Variants in PLCL2 observed in about 807,000 individuals in gnomAD.
PLCL2 encodes phospholipase C like 2.
In PLCL2, 4 loss-of-function variants were observed where a neutral mutation model predicts 79.6. The ratio of observed to expected loss-of-function variants is 0.05; its 90% CI spans 0.02 to 0.11. The LOEUF is 0.11. Ranked by LOEUF, PLCL2 falls within the 10% of genes least tolerant of loss-of-function variation. PLCL2 has a pLI of 1.00. For synonymous variants in PLCL2, 484 were observed against 457.7 expected, an observed-to-expected ratio of 1.06 and a Z score of -0.73; for missense variants, 895 against 1,291.0, an observed-to-expected ratio of 0.69 and a Z score of 4.70.
intron 1 of PLCL2, among the ~76,000 whole-genome samples, chr3:16,953,174 A>T (rs1559496561): frequency 6.6e-6 from 1 of 152,284 alleles, no homozygotes; most frequent in East Asian, 1.9e-4. Flanking sequence ...GGTGCAAAAC[A>T]CTATGCATAG....
chr3:17,008,336 G>A (rs912933026), intron 1 of PLCL2, among the ~76,000 whole-genome samples: 1 of 149,912 alleles, frequency 6.7e-6, no homozygotes, highest in Non-Finnish European at 1.5e-5. Flanking sequence ...TTGGAGAGAG[G>A]AATTTCTGCT....
chr3:16,916,276 T>C (rs1696993804), intron 1 of PLCL2, among the ~76,000 whole-genome samples: 1 of 152,186 alleles, frequency 6.6e-6, no homozygotes, highest in South Asian at 2.1e-4. Context: ...GCTGGTAGTT[T>C]CTCACTTATT....
intron 1 of PLCL2, among the ~76,000 whole-genome samples, chr3:16,940,960 T>C (rs1276013530): frequency 1.3e-5 from 2 of 152,190 alleles, no homozygotes; most frequent in South Asian, 2.1e-4. Context: ...GCTTTTAATT[T>C]TGTAGGCCTG....
intron 1 of PLCL2, among the ~76,000 whole-genome samples, chr3:16,935,942 T>A (rs1697528861): frequency 6.6e-6 from 1 of 152,250 alleles, no homozygotes; most frequent in African/African-American, 2.4e-5. Context: ...ATAGCTCATG[T>A]TATCCTTCCT....
At chr3:17,043,319 A>G (rs2064745835) in intron 4 of PLCL2, among the ~76,000 whole-genome samples, 1 of 152,210 alleles carries the variant, frequency 6.6e-6, no homozygotes, top group Non-Finnish European at 1.5e-5. Flanking sequence ...TAGGATAGGT[A>G]AGGCTTGAGT....
intron 1 of PLCL2, among the ~76,000 whole-genome samples, chr3:16,898,758 G>A (rs1009532635): frequency 2.0e-5 from 3 of 152,226 alleles, no homozygotes; most frequent in Admixed American, 6.5e-5. Context: ...TCTCAGGGCC[G>A]TCATTCCTGG....
At chr3:16,961,011 G>T (rs1172482250) in intron 1 of PLCL2, among the ~76,000 whole-genome samples, 1 of 152,146 alleles carries the variant, frequency 6.6e-6, no homozygotes, top group African/African-American at 2.4e-5. Flanking sequence ...AACACAAAAA[G>T]TTTCTGTTAG....
chr3:17,014,959 C>G (rs755825775), intron 3 of PLCL2, 48 bp downstream of exon 3: 1 of 1,441,590 alleles, frequency 6.9e-7, no homozygotes, highest in South Asian at 1.1e-5. Flanking sequence ...GAGAGATATC[C>G]TAAGACAACA....
At chr3:16,893,581 G>A (rs2124915843) in intron 1 of PLCL2, among the ~76,000 whole-genome samples, 1 of 152,226 alleles carries the variant, frequency 6.6e-6, no homozygotes, top group South Asian at 2.1e-4. Flanking sequence ...AAATTCTTTT[G>A]TAGTTAGAGA....
At chr3:16,927,566 G>A (rs1697285243) in intron 1 of PLCL2, among the ~76,000 whole-genome samples, 1 of 152,204 alleles carries the variant, frequency 6.6e-6, no homozygotes, top group Non-Finnish European at 1.5e-5. Flanking sequence ...AGGGACTTTG[G>A]TTGTAAAGGT....
intron 1 of PLCL2, among the ~76,000 whole-genome samples, chr3:16,903,167 T>C (rs1696668525): frequency 6.6e-6 from 1 of 152,214 alleles, no homozygotes; most frequent in Non-Finnish European, 1.5e-5. Flanking sequence ...TTTTAAGGTT[T>C]AATTTCAACT....
At chr3:16,912,406 A>G (rs538328364) in intron 1 of PLCL2, among the ~76,000 whole-genome samples, 2 of 152,354 alleles carry the variant, frequency 1.3e-5, no homozygotes, top group South Asian at 2.1e-4. Context: ...AAGAATGTAT[A>G]TAGTTGGACA....
chr3:16,999,561 C>T (rs1247241314), intron 1 of PLCL2, among the ~76,000 whole-genome samples: 1 of 152,116 alleles, frequency 6.6e-6, no homozygotes, highest in Non-Finnish European at 1.5e-5. Context: ...CCATAAATAA[C>T]ATTTGGGGAA....
At chr3:17,077,641 G>A (rs1365024562) in intron 5 of PLCL2, among the ~76,000 whole-genome samples, 1 of 152,130 alleles carries the variant, frequency 6.6e-6, no homozygotes, top group African/African-American at 2.4e-5. Context: ...TCAATTGATT[G>A]CCATTCCTAA....
At chr3:16,929,773 A>G (rs568450737) in intron 1 of PLCL2, among the ~76,000 whole-genome samples, 2 of 152,342 alleles carry the variant, frequency 1.3e-5, no homozygotes, top group South Asian at 4.1e-4. Context: ...GTATCCTGAC[A>G]TAGGAACTAT....
chr3:16,938,366 A>C (rs932827821), intron 1 of PLCL2, among the ~76,000 whole-genome samples: 2 of 152,222 alleles, frequency 1.3e-5, no homozygotes, highest in African/African-American at 4.8e-5. Flanking sequence ...AGGAAGAAGT[A>C]GTATTATAGA....
At chr3:16,896,326 G>C (rs1469853733) in intron 1 of PLCL2, among the ~76,000 whole-genome samples, 1 of 152,154 alleles carries the variant, frequency 6.6e-6, no homozygotes, top group African/African-American at 2.4e-5. Flanking sequence ...GAGAGGGGCA[G>C]CTTGCTGGAA....
intron 1 of PLCL2, among the ~76,000 whole-genome samples, chr3:17,007,633 T>G (rs1269590979): frequency 1.3e-5 from 2 of 152,252 alleles, no homozygotes; most frequent in African/African-American, 4.8e-5. Flanking sequence ...ATTTAAAGTT[T>G]AAGTTTAATT....
chr3:16,923,272 G>A (rs1697166207), intron 1 of PLCL2, among the ~76,000 whole-genome samples: 1 of 152,204 alleles, frequency 6.6e-6, no homozygotes, highest in African/African-American at 2.4e-5. Flanking sequence ...GGAGGTGGGG[G>A]CAGGCAGCTG....
Sources: gnomAD v4.1 joint callset for allele counts (sites outside exome capture counted in the v4.1 genomes callset) on GRCh38, gnomAD v4.1.1 for gene constraint, MANE v1.5 for transcripts, NCBI Gene and HGNC (gene_info 2026-07-23, HGNC 2026-07-21) for gene names.